The following ADAMTS16 variants were observed in gnomAD, a reference collection of about 807,000 sequenced individuals.
The protein encoded by ADAMTS16 is A disintegrin and metalloproteinase with thrombospondin motifs 16.
In ADAMTS16, 94 loss-of-function variants were observed where a neutral mutation model predicts 145.8. That is an observed-to-expected ratio of 0.64 (90% confidence interval 0.55 to 0.77). ADAMTS16 has a LOEUF of 0.77. Among genes scored for constraint, ADAMTS16 ranks in the 30% least tolerant of loss-of-function variants. The pLI is 0.00. For synonymous variants in ADAMTS16, 659 were observed against 604.3 expected (o/e 1.09, Z -1.33); for missense variants, 1,585 against 1,591.5 (o/e 1.00, Z 0.07).
intron 16 of ADAMTS16, among the ~76,000 whole-genome samples, chr5:5,240,321 G>T (rs1268270278): frequency 6.6e-6 from 1 of 152,174 alleles, no homozygotes. Context: ...CAGAGGTGAA[G>T]CCCCTTGCTG....
At chr5:5,284,627 A>G (rs1033783110) in intron 18 of ADAMTS16, among the ~76,000 whole-genome samples, 4 of 152,178 alleles carry the variant, frequency 2.6e-5, no homozygotes, top group African/African-American at 9.7e-5. Context: ...CCAGCTCGTT[A>G]ATAGAATTCT....
In ADAMTS16 at chr5:5,303,421, C is replaced by T. The variant is rs764124351; in HGVS notation, c.2943C>T (p.Cys981=). Residue 981 remains cysteine, a synonymous_variant, in exon 19 of 23, where the codon TGC becomes TGT. Coordinates refer to ENST00000274181, the MANE Select transcript of ADAMTS16 (RefSeq NM_139056.4). ...CTGCTCCCTCCAGCAGGCAGGCCTGCAACTCTCAGAGCTGCCCACCTGCAT... is the reference window on the plus strand; with the variant it reads ...CTGCTCCCTCCAGCAGGCAGGCCTGTAACTCTCAGAGCTGCCCACCTGCAT... ...PQPAPSSRQA[C]NSQSCPPAWS... 2 of 1,610,038 alleles carry T rather than the reference C, an allele frequency of 1.2e-6. No homozygotes were observed. Among genetic ancestry groups the T allele is most frequent in the Non-Finnish European group, 1.7e-6 (2 of 1,178,486 alleles).
intron 18 of ADAMTS16, among the ~76,000 whole-genome samples, chr5:5,266,582 G>T (rs890769): frequency 0.033 from 5,073 of 152,268 alleles, 82 homozygotes; most frequent in East Asian, 0.056. Context: ...CTTGTTGGTT[G>T]TTTGTTTTCT....
At chr5:5,242,713 A>G (rs1442807829) in intron 17 of ADAMTS16, among the ~76,000 whole-genome samples, 2 of 152,244 alleles carry the variant, frequency 1.3e-5, no homozygotes, top group Non-Finnish European at 2.9e-5. Flanking sequence ...CATGTCAAAA[A>G]GAACTGCACA....
chr5:5,209,651 C>T (rs1304617284), intron 10 of ADAMTS16, among the ~76,000 whole-genome samples: 1 of 152,146 alleles, frequency 6.6e-6, no homozygotes, highest in African/African-American at 2.4e-5. Context: ...CCTAGGGCTA[C>T]TGATTAATAA....
chr5:5,176,131 C>G (rs1224135311), intron 3 of ADAMTS16: 1 of 152,270 alleles, frequency 6.6e-6, no homozygotes, highest in Non-Finnish European at 1.5e-5. Context: ...TCTCAGCAGT[C>G]TTGTGCTGTT....
In ADAMTS16 at chr5:5,140,507, C is replaced by T; in HGVS notation, c.40C>T (p.Leu14=). ...RARGWRGLAA[L]WMLLAQVAEQ... ...GCGCGGATGGCGGGGCTTGGCGGCG[C>T]TGTGGATGCTGTTGGCGCAGGTGGC... is the stretch of plus-strand genomic sequence containing the variant. The change falls in exon 1 of 23, where the codon CTG becomes TTG. Residue 14 remains leucine (L), a synonymous_variant. Transcript: ENST00000274181. 6.6e-7 allele frequency: 1 copy of T among 1,519,498 alleles called. No homozygotes were observed. Among genetic ancestry groups the T allele is most frequent in the South Asian group, 1.2e-5 (1 of 82,302 alleles). 94.1% of individuals were successfully genotyped at this position (1,519,498 alleles called of 1,614,324 possible). A position where few individuals can be genotyped will look rare whatever the true frequency, so the allele number is the denominator to read the frequency against.
chr5:5,187,339 T>C (rs1735531264), intron 5 of ADAMTS16, among the ~76,000 whole-genome samples: 1 of 152,228 alleles, frequency 6.6e-6, no homozygotes, highest in South Asian at 2.1e-4. Flanking sequence ...TTTCTTTCTC[T>C]TTCTTGTATC....
chr5:5,254,639 T>C (rs191203445), intron 17 of ADAMTS16, among the ~76,000 whole-genome samples: 16 of 152,318 alleles, frequency 1.1e-4, no homozygotes, highest in Admixed American at 1.0e-3. Flanking sequence ...CTGAACTTTA[T>C]TACATTTATG....
At chr5:5,169,851 C>A (rs1011531892) in intron 3 of ADAMTS16, among the ~76,000 whole-genome samples, 1 of 152,172 alleles carries the variant, frequency 6.6e-6, no homozygotes, top group Admixed American at 6.6e-5. Flanking sequence ...GATGTGTCTA[C>A]TCCCTGGAGA....
At chr5:5,311,263 C>G (rs980702459) in intron 21 of ADAMTS16, among the ~76,000 whole-genome samples, 2 of 142,236 alleles carry the variant, frequency 1.4e-5, no homozygotes, top group Non-Finnish European at 3.0e-5. Context: ...CAGCCCTGCA[C>G]GGGAAGCTGC....
chr5:5,241,505 G>A (rs1037957308), intron 16 of ADAMTS16, among the ~76,000 whole-genome samples: 5 of 152,178 alleles, frequency 3.3e-5, no homozygotes, highest in African/African-American at 1.2e-4. Flanking sequence ...GTCAGGCATG[G>A]ATCATACCTA....
intron 2 of ADAMTS16, among the ~76,000 whole-genome samples, chr5:5,143,034 C>T (rs1169058549): frequency 1.3e-5 from 2 of 152,180 alleles, no homozygotes; most frequent in African/African-American, 4.8e-5. Flanking sequence ...CCCTTCCTTA[C>T]ACCTTATACA....
Position 5,239,692 on chromosome 5 carries a change from A to G in ADAMTS16, c.2290A>G (p.Met764Val). The stretch of plus-strand genomic sequence containing the variant: ...TTTCCTTTATCTAGAGTATTATCAC[A>G]TGGTCACCATTCCTTCTGGAGCCCG... ...KHHHTNQYYH[M>V]VTIPSGARSI... The change falls in exon 16 of 23, where the codon ATG becomes GTG. Residue 764 changes from methionine (M) to valine (V), a missense_variant. Around this residue, in one of 3 missense-constraint regions of ADAMTS16, gnomAD observed 834 missense variants for 811.7 expected, o/e 1.03. Coordinates refer to ENST00000274181, the MANE Select transcript of ADAMTS16 (RefSeq NM_139056.4). 6.2e-7 allele frequency: 1 copy of G among 1,614,086 alleles called. No individual in the cohort carries two copies. The highest frequency in any genetic ancestry group is 8.5e-7 in the Non-Finnish European group (1 of 1,180,012).
chr5:5,165,717 G>A (rs535474182), intron 3 of ADAMTS16, among the ~76,000 whole-genome samples: 3 of 152,318 alleles, frequency 2.0e-5, no homozygotes, highest in South Asian at 4.1e-4. Flanking sequence ...GCCTCAGGCT[G>A]GCAGCCTGCT....
At chr5:5,296,955 G>T (rs113592462) in intron 18 of ADAMTS16, among the ~76,000 whole-genome samples, 1 of 152,220 alleles carries the variant, frequency 6.6e-6, no homozygotes, top group African/African-American at 2.4e-5. Flanking sequence ...GAAGCGGCAA[G>T]GGAGAGGTGG....
At chr5:5,286,727 G>A (rs920632495) in intron 18 of ADAMTS16, among the ~76,000 whole-genome samples, 16 of 151,496 alleles carry the variant, frequency 1.1e-4, no homozygotes, top group African/African-American at 3.6e-4. Context: ...GTGCGGTGGC[G>A]AGCACCTGTA....
intron 17 of ADAMTS16, among the ~76,000 whole-genome samples, chr5:5,248,540 A>G (rs1737527342): frequency 6.6e-6 from 1 of 152,226 alleles, no homozygotes; most frequent in Admixed American, 6.5e-5. Context: ...TGATTCTGGC[A>G]TTCAAATAGA....
At chr5:5,313,287 G>A (rs780571367) in intron 21 of ADAMTS16, among the ~76,000 whole-genome samples, 11 of 152,156 alleles carry the variant, frequency 7.2e-5, no homozygotes, top group Non-Finnish European at 1.5e-4. Flanking sequence ...TGAATGGCCC[G>A]GGCCTGGCTG....
Sources: allele counts gnomAD v4.1 joint callset (sites outside exome capture counted in the v4.1 genomes callset), GRCh38; gene constraint gnomAD v4.1.1; regional missense constraint gnomAD v4.1.1; transcripts MANE v1.5; gene names NCBI Gene and HGNC (gene_info 2026-07-23, HGNC 2026-07-21).